Variants in CDC5L observed in about 807,000 individuals in gnomAD.
CDC5L encodes cell division cycle 5-like protein.
In CDC5L, 18 loss-of-function variants were observed where a neutral mutation model predicts 104.1. The ratio of observed to expected loss-of-function variants is 0.17; its 90% confidence interval spans 0.12 to 0.26. The LOEUF is 0.26. Ranked by LOEUF, CDC5L falls within the 10% of genes least tolerant of loss-of-function variation. The pLI, the probability that CDC5L is intolerant of heterozygous loss-of-function variation, is 1.00. For missense variants in CDC5L, 673 were observed against 956.9 expected, an observed-to-expected ratio of 0.70 and a Z score of 3.91; for synonymous variants, 331 against 322.7, an observed-to-expected ratio of 1.03 and a Z score of -0.28.
intron 9 of CDC5L, among the ~76,000 whole-genome samples, chr6:44,421,374 A>T (rs1201874062): frequency 6.6e-6 from 1 of 152,242 alleles, no homozygotes; most frequent in East Asian, 1.9e-4. Flanking sequence ...ATTGGAACTT[A>T]CAATGGTTGG....
At chr6:44,415,549 T>C (rs1791869925) in intron 8 of CDC5L, among the ~76,000 whole-genome samples, 2 of 152,272 alleles carry the variant, frequency 1.3e-5, no homozygotes, top group Middle Eastern at 3.4e-3. Flanking sequence ...TCCTCCCCCA[T>C]GTCAGGTTTC....
intron 7 of CDC5L, among the ~76,000 whole-genome samples, 181 bp downstream of exon 7, chr6:44,406,648 T>C (rs1319517653): frequency 6.6e-6 from 1 of 152,248 alleles, no homozygotes; most frequent in Non-Finnish European, 1.5e-5. Flanking sequence ...GGCCCACACC[T>C]GTTATTTCAG....
intron 5 of CDC5L, among the ~76,000 whole-genome samples, chr6:44,400,098 CTGTT>C (rs1791051018): frequency 6.6e-6 from 1 of 151,926 alleles, no homozygotes; most frequent in Admixed American, 6.6e-5. Context: ...CTGATATTCT[CTGTT>C]TGATGCAACG....
intron 8 of CDC5L, among the ~76,000 whole-genome samples, chr6:44,414,425 TGTGTG>T (rs1174055297): frequency 7.3e-5 from 11 of 150,188 alleles, no homozygotes; most frequent in African/African-American, 2.7e-4. Flanking sequence ...TGTGTGTGTG[TGTGTG>T]TATTTTTTTT....
chr6:44,416,930 A>G (rs113338025), intron 8 of CDC5L, among the ~76,000 whole-genome samples: 1 of 152,238 alleles, frequency 6.6e-6, no homozygotes, highest in African/African-American at 2.4e-5. Flanking sequence ...AGCAAAAAGG[A>G]CACACACAGG....
At chr6:44,426,289 C>T (rs1489405647) in intron 12 of CDC5L, 106 bp downstream of exon 12, 1 of 834,912 alleles carries the variant, frequency 1.2e-6, no homozygotes, top group Non-Finnish European at 1.9e-6. Context: ...CATCTACTTT[C>T]TGGAATATAG....
intron 14 of CDC5L, among the ~76,000 whole-genome samples, chr6:44,432,038 T>C (rs940622184): frequency 1.3e-5 from 2 of 152,046 alleles, no homozygotes; most frequent in Non-Finnish European, 2.9e-5. Context: ...TTTGGTAAAC[T>C]GTGCTTATTT....
chr6:44,444,773 C>T (rs1793370290), intron 14 of CDC5L, among the ~76,000 whole-genome samples: 1 of 152,098 alleles, frequency 6.6e-6, no homozygotes, highest in Admixed American at 6.5e-5. Flanking sequence ...CTTCCATTAC[C>T]ACATCTAGGA....
At position 44,424,404 on chromosome 6, in the gene CDC5L, A is replaced by G. The variant is rs1199960667; in HGVS notation, c.1405-15A>G. The G allele has an allele frequency of 1.0e-5, 16 of 1,607,204 alleles. No homozygotes were observed. The highest frequency in any genetic ancestry group is 1.3e-5 in the Non-Finnish European group (15 of 1,175,692). On this transcript the variant is annotated splice_polypyrimidine_tract_variant and intron_variant, in intron 10 of 15. Coordinates refer to ENST00000371477, the MANE Select transcript of CDC5L (RefSeq NM_001253.4). ...TAATATGCATGAATTGAGAAGGACCACTTCTTTTCTACAGGAAAGAGAATC... is the reference window on the plus strand; with the variant it reads ...TAATATGCATGAATTGAGAAGGACCGCTTCTTTTCTACAGGAAAGAGAATC...
intron 8 of CDC5L, among the ~76,000 whole-genome samples, chr6:44,412,292 A>C (rs1309599175): frequency 8.0e-6 from 1 of 125,200 alleles, no homozygotes; most frequent in Non-Finnish European, 1.6e-5. Context: ...GACAGATAGG[A>C]ATAACCTGTC....
At chr6:44,392,628 G>A (rs1479636290) in intron 2 of CDC5L, 39 bp from the exon 3 acceptor site, 1 of 1,571,230 alleles carries the variant, frequency 6.4e-7, no homozygotes, top group Non-Finnish European at 8.7e-7. Flanking sequence ...ATTTATGCCA[G>A]GTAACTGATT....
intron 1 of CDC5L, among the ~76,000 whole-genome samples, chr6:44,389,765 C>A (rs959941804): frequency 9.9e-5 from 15 of 152,056 alleles, no homozygotes; most frequent in African/African-American, 3.4e-4. Context: ...TCACCAGAGT[C>A]CCAACTTGCT....
chr6:44,402,572 T>C (rs904059542), intron 5 of CDC5L, among the ~76,000 whole-genome samples: 4 of 152,224 alleles, frequency 2.6e-5, no homozygotes, highest in African/African-American at 9.6e-5. Flanking sequence ...CCATCTTTCA[T>C]ATTGTGAATA....
intron 8 of CDC5L, among the ~76,000 whole-genome samples, chr6:44,410,701 T>C (rs1791585322): frequency 6.6e-6 from 1 of 152,224 alleles, no homozygotes; most frequent in African/African-American, 2.4e-5. Context: ...TCTTGAAGCT[T>C]ACATTATCTT....
At chr6:44,442,599 A>G (rs1793254215) in intron 14 of CDC5L, among the ~76,000 whole-genome samples, 1 of 152,080 alleles carries the variant, frequency 6.6e-6, no homozygotes, top group African/African-American at 2.4e-5. Flanking sequence ...CCTTTCTCCC[A>G]TATTTTGTAT....
chr6:44,421,971 GCTGT>G (rs980946458), intron 9 of CDC5L, among the ~76,000 whole-genome samples: 101 of 152,256 alleles, frequency 6.6e-4, no homozygotes, highest in African/African-American at 2.2e-3. Context: ...ATCAGGAATA[GCTGT>G]CTGGCAGCAT....
chr6:44,444,826 G>A (rs774414852), intron 14 of CDC5L, among the ~76,000 whole-genome samples: 1 of 152,110 alleles, frequency 6.6e-6, no homozygotes, highest in Non-Finnish European at 1.5e-5. Flanking sequence ...TGCAAATTGA[G>A]GCATTTGATG....
chr6:44,426,689 C>T lies in CDC5L; in HGVS notation c.1858C>T (p.Pro620Ser), dbSNP rs1452697005. 2 of 1,612,518 alleles carry T rather than the reference C, an allele frequency of 1.2e-6. No individual in the cohort carries two copies. Among genetic ancestry groups the T allele is most frequent in the Non-Finnish European group, 1.7e-6 (2 of 1,179,208 alleles). The change falls in exon 13 of 16, where the codon CCT becomes TCT. Residue 620 changes from proline to serine, a missense_variant. Coordinates refer to ENST00000371477, the MANE Select transcript of CDC5L (RefSeq NM_001253.4). ...SEHITYLEHN[P>S]YEKFSKEELK... is the part of the protein sequence containing the mutation. ...GCACATTACCTATCTGGAACATAAT[C>T]CTTATGAAAAGTTCTCCAAAGAAGA...
intron 8 of CDC5L, among the ~76,000 whole-genome samples, chr6:44,411,711 A>G (rs1304838829): frequency 6.6e-6 from 1 of 150,782 alleles, no homozygotes; most frequent in East Asian, 2.0e-4. Context: ...CTCATTTTAT[A>G]TTGTTTCGTG....
Sources: allele counts gnomAD v4.1 joint callset (sites outside exome capture counted in the v4.1 genomes callset), GRCh38; gene constraint gnomAD v4.1.1; transcripts MANE v1.5; gene names NCBI Gene and HGNC (gene_info 2026-07-23, HGNC 2026-07-21).